Variants in JPH2 observed in about 807,000 individuals in gnomAD.
JPH2 encodes junctophilin-2.
A neutral mutation model predicts 55.9 loss-of-function variants in JPH2; 38 were observed. The ratio of observed to expected loss-of-function variants is 0.68; its 90% CI spans 0.52 to 0.89. The LOEUF is 0.89. JPH2 is among the 40% of genes least tolerant of loss of function. The pLI, the probability that JPH2 is intolerant of heterozygous loss-of-function variation, is 0.00. For synonymous variants in JPH2, 480 were observed against 472.4 expected, an observed-to-expected ratio of 1.02 and a Z score of -0.21; for missense variants, 964 against 1,037.6, an observed-to-expected ratio of 0.93 and a Z score of 0.97.
At chr20:44,148,057 G>A (rs1391795860) in intron 2 of JPH2, among the ~76,000 whole-genome samples, 1 of 152,136 alleles carries the variant, frequency 6.6e-6, no homozygotes, top group African/African-American at 2.4e-5. Flanking sequence ...CAGCGACTCG[G>A]GAGGCTGAGG....
chr20:44,124,075 G>A (rs867022138), intron 2 of JPH2, among the ~76,000 whole-genome samples: 1 of 152,290 alleles, frequency 6.6e-6, no homozygotes, highest in Middle Eastern at 3.4e-3. Flanking sequence ...GGAGGAACAG[G>A]GAGACTCTTC....
intron 1 of JPH2, among the ~76,000 whole-genome samples, chr20:44,178,800 A>C (rs771080496): frequency 6.6e-6 from 1 of 152,210 alleles, no homozygotes; most frequent in African/African-American, 2.4e-5. Flanking sequence ...AGATAGACAA[A>C]CTGATCAACA....
chr20:44,168,191 G>A lies in JPH2; in HGVS notation c.380-7784C>T, dbSNP rs2072670889. Among the ~76,000 whole-genome samples the A allele has an allele frequency of 2.0e-5, 3 of 152,286 alleles. No homozygotes were observed. In the South Asian group the frequency reaches 6.2e-4, roughly 32 times the overall value. On this transcript the variant is annotated intron_variant, in intron 1 of 5. Transcript: ENST00000372980. ...AAAGGAGCCACACAGAAGACAGAGA[G>A]AGCTCAGGAAGAAAATGAGACCAGC...
chr20:44,168,958 G>A (rs557380687), intron 1 of JPH2, among the ~76,000 whole-genome samples: 3 of 152,188 alleles, frequency 2.0e-5, no homozygotes, highest in East Asian at 3.9e-4. Flanking sequence ...CACAAGAGCT[G>A]GTTGTTACAA....
intron 2 of JPH2, among the ~76,000 whole-genome samples, chr20:44,146,812 A>G (rs1038214906): frequency 6.6e-6 from 1 of 152,220 alleles, no homozygotes; most frequent in African/African-American, 2.4e-5. Context: ...CTGATAGCAC[A>G]TAGCTCCAGC....
rs190315193 is a variant in JPH2 at position 44,132,243 on chromosome 20, A to C, written c.1170-13620T>G. 2.0e-5 allele frequency among the ~76,000 whole-genome samples: 3 copies of C among 152,170 alleles called. No homozygotes were observed. The East Asian group carries it at 5.8e-4, about 29-fold the overall frequency. ...TTCTATTGTATGTAACATTTGTGTA[A>C]ACAGACAACCTGTTTGCTCTTCTAT... On this transcript the variant is annotated intron_variant, in intron 2 of 5. Transcript: ENST00000372980.
chr20:44,127,011 T>C (rs1208117179), intron 2 of JPH2, among the ~76,000 whole-genome samples: 1 of 152,250 alleles, frequency 6.6e-6, no homozygotes, highest in Non-Finnish European at 1.5e-5. Flanking sequence ...CTATCATTAT[T>C]GTTTCTGTTA....
intron 2 of JPH2, among the ~76,000 whole-genome samples, chr20:44,130,611 CAA>C (rs1202917578): frequency 1.3e-5 from 2 of 152,216 alleles, no homozygotes; most frequent in Non-Finnish European, 2.9e-5. Context: ...TAGCTGCTGG[CAA>C]AGAGGCTTTC....
At chr20:44,116,800 A>C (rs2072196511) in intron 3 of JPH2, among the ~76,000 whole-genome samples, 1 of 152,242 alleles carries the variant, frequency 6.6e-6, no homozygotes, top group South Asian at 2.1e-4. Flanking sequence ...GAGAAAATGC[A>C]TGTCAAAGGC....
At chr20:44,158,960 T>C (rs2072584336) in intron 2 of JPH2, among the ~76,000 whole-genome samples, 1 of 151,970 alleles carries the variant, frequency 6.6e-6, no homozygotes, top group African/African-American at 2.4e-5. Flanking sequence ...TGAAAGGGTA[T>C]CTGTATGTTT....
intron 1 of JPH2, among the ~76,000 whole-genome samples, chr20:44,171,345 C>T (rs866670192): frequency 3.3e-5 from 5 of 152,180 alleles, no homozygotes; most frequent in South Asian, 4.1e-4. Context: ...TCATTACAGT[C>T]ATTAGATGTG....
chr20:44,144,187 G>A (rs2072477863), intron 2 of JPH2, among the ~76,000 whole-genome samples: 1 of 152,178 alleles, frequency 6.6e-6, no homozygotes. Context: ...TCACTGGTAT[G>A]GACTTAGGAA....
intron 2 of JPH2, among the ~76,000 whole-genome samples, chr20:44,133,701 A>G (rs1468952011): frequency 2.6e-5 from 4 of 151,376 alleles, no homozygotes; most frequent in South Asian, 2.1e-4. Context: ...TCAAGCAAGA[A>G]GAGGGAAAGG....
chr20:44,130,180 T>C (rs893845750), intron 2 of JPH2, among the ~76,000 whole-genome samples: 1 of 152,150 alleles, frequency 6.6e-6, no homozygotes, highest in South Asian at 2.1e-4. Flanking sequence ...GGCTCATAGC[T>C]AGTAAGTCCA....
intron 5 of JPH2, among the ~76,000 whole-genome samples, chr20:44,114,325 G>C (rs2072169481): frequency 6.6e-6 from 1 of 152,200 alleles, no homozygotes; most frequent in South Asian, 2.1e-4. Flanking sequence ...ACCGTCCCAG[G>C]TGAGCTCAGT....
intron 2 of JPH2, among the ~76,000 whole-genome samples, chr20:44,120,527 T>C (rs193225044): frequency 4.6e-5 from 7 of 152,312 alleles, no homozygotes; most frequent in Non-Finnish European, 1.0e-4. Context: ...TTATTATCCC[T>C]ATTTTACAGA....
Position 44,186,497 on chromosome 20 carries a change from T to C in JPH2, c.209A>G (p.His70Arg). ...CCCCTTGGTCTCTATGCCCAGCCCA[T>C]GCCGTTTGCCCTGGCTCCAGTATCC... ...FEGYWSQGKRHGLGIETKGRW... is the reference protein window; with the variant it reads ...FEGYWSQGKRRGLGIETKGRW... The change falls in exon 1 of 6, where the codon CAT becomes CGT. Residue 70 changes from histidine (H) to arginine (R), a missense_variant. By Grantham distance (29) the His-to-Arg change is conservative (BLOSUM62 0). Transcript: ENST00000372980. The C allele has an allele frequency of 1.2e-6, 2 of 1,614,136 alleles. No homozygotes were observed. The highest frequency in any genetic ancestry group is 1.7e-6 in the Non-Finnish European group (2 of 1,180,032).
In JPH2 at chr20:44,187,036, A is replaced by G. The variant is rs1476730473; in HGVS notation, c.-331T>C. 1 of 398,116 alleles carries G rather than the reference A, an allele frequency of 2.5e-6. No individual in the cohort carries two copies. The highest frequency in any genetic ancestry group is 2.0e-5 in the African/African-American group (1 of 49,360). 24.7% of individuals were successfully genotyped at this position (398,116 alleles called of 1,614,324 possible). ...AAGAAGTCCAAGGGAAAACGGTGTGATCTCTTTAAGAAGCCCAGTGAAAGG... is the reference window on the plus strand; with the variant it reads ...AAGAAGTCCAAGGGAAAACGGTGTGGTCTCTTTAAGAAGCCCAGTGAAAGG... On this transcript the variant is annotated 5_prime_UTR_variant, in exon 1 of 6. Transcript: ENST00000372980.
intron 2 of JPH2, among the ~76,000 whole-genome samples, chr20:44,144,613 C>T (rs867845175): frequency 5.3e-5 from 8 of 152,236 alleles, no homozygotes; most frequent in African/African-American, 1.4e-4. Context: ...GGTCTAGGCA[C>T]GGAGTGTCAG....
Sources: gnomAD v4.1 joint callset for allele counts (sites outside exome capture counted in the v4.1 genomes callset) on GRCh38, gnomAD v4.1.1 for gene constraint, MANE v1.5 for transcripts, NCBI Gene and HGNC (gene_info 2026-07-23, HGNC 2026-07-21) for gene names.